Variants in DDX27 observed in about 807,000 individuals in gnomAD.
The protein encoded by DDX27 is probable ATP-dependent RNA helicase DDX27.
DDX27 carries 42 observed loss-of-function variants against 99.3 expected under a neutral mutation model. The ratio of observed to expected loss-of-function variants is 0.42; its 90% CI spans 0.33 to 0.55. DDX27 has a LOEUF of 0.55. DDX27 is among the 20% of genes least tolerant of loss of function. DDX27 has a pLI of 0.07. For synonymous variants in DDX27, 329 were observed against 353.8 expected (o/e 0.93, Z 0.79); for missense variants, 798 against 976.8 (o/e 0.82, Z 2.44).
chr20:49,236,096 G>C lies in DDX27; in HGVS notation c.1428-54G>C. On this transcript the variant is annotated intron_variant, in intron 12 of 20. Transcript: ENST00000618172. This position sits in a 1 kb window ranked among gnomAD's most constrained non-coding sequence, Gnocchi z 4.1. ...TCCTCTGCTGGCTCAGGCTCTTGTG[G>C]AGCATTATTAGGGGAGGGTGTCTGG... The C allele has an allele frequency of 6.5e-7, 1 of 1,527,602 alleles. No individual in the cohort carries two copies. Among genetic ancestry groups the C allele is most frequent in the African/African-American group, 1.4e-5 (1 of 72,734 alleles). 94.6% of individuals were successfully genotyped at this position (1,527,602 alleles called of 1,614,324 possible). A position where few individuals can be genotyped will look rare whatever the true frequency, so the allele number is the denominator to read the frequency against.
At chr20:49,224,859 G>A in intron 4 of DDX27, 86 bp from the exon 5 acceptor site, 1 of 1,449,262 alleles carries the variant, frequency 6.9e-7, no homozygotes, top group Non-Finnish European at 9.6e-7. Context: ...GCTGAAGTGT[G>A]GCATTGGCAC....
chr20:49,229,447 T>A (rs540440590), intron 8 of DDX27, among the ~76,000 whole-genome samples: 1 of 152,148 alleles, frequency 6.6e-6, no homozygotes, highest in Non-Finnish European at 1.5e-5. Context: ...ATTTGGGGTA[T>A]AATTTCTGCT....
intron 11 of DDX27, 141 bp from the exon 12 acceptor site, chr20:49,234,793 TG>T: frequency 1.0e-6 from 1 of 985,346 alleles, no homozygotes; most frequent in Non-Finnish European, 1.4e-6. Context: ...GTATCCACCC[TG>T]GAATTTGAGT....
At chr20:49,227,056 G>GT (rs1271738039) in intron 7 of DDX27, among the ~76,000 whole-genome samples, 1 of 149,094 alleles carries the variant, frequency 6.7e-6, no homozygotes, top group Non-Finnish European at 1.5e-5. Flanking sequence ...TAGAGACGGG[G>GT]TTTCACCGTT....
intron 12 of DDX27, 74 bp downstream of exon 12, chr20:49,235,162 C>T: frequency 6.7e-7 from 1 of 1,483,752 alleles, no homozygotes; most frequent in Admixed American, 2.3e-5. Flanking sequence ...GAAGAGGACC[C>T]TGAGCATTCT....
At chr20:49,241,076 A>G (rs1370032526) in intron 16 of DDX27, among the ~76,000 whole-genome samples, 1 of 152,182 alleles carries the variant, frequency 6.6e-6, no homozygotes, top group Non-Finnish European at 1.5e-5. Context: ...CAAACAAGTG[A>G]TGTAGGGAAT....
intron 9 of DDX27, among the ~76,000 whole-genome samples, chr20:49,232,422 G>A (rs1045604701): frequency 3.3e-5 from 5 of 152,016 alleles, no homozygotes; most frequent in African/African-American, 1.2e-4. Flanking sequence ...CTGAGGTAGG[G>A]AGTTCAAGAC....
chr20:49,228,564 C>G, intron 7 of DDX27, 151 bp from the exon 8 acceptor site: 4 of 828,332 alleles, frequency 4.8e-6, no homozygotes, highest in Non-Finnish European at 7.3e-6. Context: ...TGAGCCTGAC[C>G]ATGTGATTTG....
At chr20:49,221,353 G>A (rs1600961199) in intron 1 of DDX27, 99 bp from the exon 2 acceptor site, 2 of 1,433,652 alleles carry the variant, frequency 1.4e-6, no homozygotes, top group East Asian at 4.7e-5. Flanking sequence ...CTCCTAAAGT[G>A]CTGGGATTAC....
At chr20:49,219,930 C>T (rs937182339) in intron 1 of DDX27, among the ~76,000 whole-genome samples, 12 of 152,160 alleles carry the variant, frequency 7.9e-5, no homozygotes, top group Non-Finnish European at 1.6e-4. Context: ...TACTTAACGC[C>T]TGCTAGACTT....
intron 9 of DDX27, among the ~76,000 whole-genome samples, chr20:49,231,637 T>G (rs1195517686): frequency 6.6e-6 from 1 of 152,142 alleles, no homozygotes; most frequent in Non-Finnish European, 1.5e-5. Context: ...TCTCACAGAT[T>G]ACTATTATGT....
At chr20:49,224,153 AG>A (rs1979791620) in intron 4 of DDX27, among the ~76,000 whole-genome samples, 1 of 151,888 alleles carries the variant, frequency 6.6e-6, no homozygotes, top group African/African-American at 2.4e-5. Context: ...CTGGCATTAC[AG>A]GCGTGAGCCA....
intron 16 of DDX27, among the ~76,000 whole-genome samples, chr20:49,240,279 AAGTT>A (rs1299263143): frequency 3.3e-5 from 5 of 152,198 alleles, no homozygotes; most frequent in Admixed American, 1.3e-4. Flanking sequence ...AATTTTAAAA[AAGTT>A]AGGAGATATT....
chr20:49,228,348 C>T (rs1738895735), intron 7 of DDX27, among the ~76,000 whole-genome samples: 1 of 152,058 alleles, frequency 6.6e-6, no homozygotes, highest in African/African-American at 2.4e-5. Context: ...ATTGGCCAGG[C>T]TGGTCTCGAA....
intron 1 of DDX27, 112 bp from the exon 2 acceptor site, chr20:49,221,340 C>A: frequency 1.6e-6 from 2 of 1,249,816 alleles, no homozygotes; most frequent in South Asian, 2.7e-5. Context: ...TGCGTGCCTT[C>A]GCCTCCTAAA....
intron 16 of DDX27, among the ~76,000 whole-genome samples, chr20:49,240,411 G>C (rs1187547966): frequency 6.6e-6 from 1 of 151,988 alleles, no homozygotes; most frequent in Non-Finnish European, 1.5e-5. Context: ...GTTTTATATA[G>C]GCCCACATAT....
chr20:49,238,904 T>C, intron 14 of DDX27, 45 bp from the exon 15 acceptor site: 1 of 1,453,658 alleles, frequency 6.9e-7, no homozygotes, highest in Non-Finnish European at 9.6e-7. Flanking sequence ...CCACCATGCC[T>C]GGCCTACCCT....
intron 7 of DDX27, 45 bp from the exon 8 acceptor site, chr20:49,228,670 G>C: frequency 6.5e-7 from 1 of 1,534,786 alleles, no homozygotes; most frequent in Non-Finnish European, 8.9e-7. Context: ...ACCCTGGAGG[G>C]AGCTAAACTT....
At chr20:49,224,817 G>C in intron 4 of DDX27, 128 bp from the exon 5 acceptor site, 1 of 987,220 alleles carries the variant, frequency 1.0e-6, no homozygotes, top group Non-Finnish European at 1.5e-6. Flanking sequence ...CCTCATCTGT[G>C]AAACAAGGTT....
Sources: gnomAD v4.1 joint callset for allele counts (sites outside exome capture counted in the v4.1 genomes callset) on GRCh38, gnomAD v4.1.1 for gene constraint, Gnocchi (gnomAD v3.1) non-coding constraint, MANE v1.5 for transcripts, NCBI Gene and HGNC (gene_info 2026-07-23, HGNC 2026-07-21) for gene names.